SLAMF1: variants seen among roughly 807,000 people sequenced by gnomAD.
SLAMF1 encodes the protein signaling lymphocytic activation molecule family member 1, also known as signaling lymphocytic activation molecule.
SLAMF1 carries 18 observed loss-of-function variants against 35.1 expected under a neutral mutation model. The ratio of observed to expected loss-of-function variants is 0.51; its 90% CI spans 0.35 to 0.76. The LOEUF (loss-of-function observed/expected upper bound fraction) is 0.76, where lower values mean the gene tolerates loss of function less well. Among genes scored for constraint, SLAMF1 ranks in the 30% least tolerant of loss-of-function variants. SLAMF1 has a pLI of 0.01. For missense variants in SLAMF1, 392 were observed against 413.0 expected (o/e 0.95, Z 0.44); for synonymous variants, 168 against 157.2 (o/e 1.07, Z -0.51).
At chr1:160,621,380 G>A (rs1179960384) in intron 4 of SLAMF1, among the ~76,000 whole-genome samples, 3 of 151,992 alleles carry the variant, frequency 2.0e-5, no homozygotes, top group Non-Finnish European at 2.9e-5. Context: ...CCAACATGGG[G>A]AAACCCTGTC....
intron 4 of SLAMF1, among the ~76,000 whole-genome samples, chr1:160,622,282 T>C (rs1421016452): frequency 2.6e-5 from 4 of 152,194 alleles, no homozygotes; most frequent in African/African-American, 9.7e-5. Context: ...GGCCTTAAAA[T>C]TAGGACATCT....
chr1:160,618,540 G>GGT (rs1659436813), intron 5 of SLAMF1, among the ~76,000 whole-genome samples: 1 of 152,106 alleles, frequency 6.6e-6, no homozygotes, highest in Non-Finnish European at 1.5e-5. Flanking sequence ...CACTCTCCTA[G>GGT]GTGTATAGTG....
At chr1:160,639,460 C>A (rs1171009203) in intron 1 of SLAMF1, among the ~76,000 whole-genome samples, 1 of 152,150 alleles carries the variant, frequency 6.6e-6, no homozygotes, top group Non-Finnish European at 1.5e-5. Flanking sequence ...CTCCTGACCT[C>A]AAGTGATCTG....
At chr1:160,612,465 G>A in intron 6 of SLAMF1, 23 bp downstream of exon 6, 1 of 1,493,196 alleles carries the variant, frequency 6.7e-7, no homozygotes. Context: ...TCTCTACGGA[G>A]AGTAGGCAGA....
intron 4 of SLAMF1, chr1:160,623,691 C>T (rs1659733036): frequency 5.0e-6 from 2 of 400,246 alleles, no homozygotes; most frequent in African/African-American, 2.1e-5. Flanking sequence ...ATAATTGTGC[C>T]TTATTGGTTT....
In SLAMF1 at chr1:160,634,596, G is replaced by T. The variant is rs1660330216; in HGVS notation, c.700+17C>A. 2 of 1,574,448 alleles carry T rather than the reference G, an allele frequency of 1.3e-6. No individual in the cohort carries two copies. Among genetic ancestry groups the T allele is most frequent in the Non-Finnish European group, 1.7e-6 (2 of 1,156,270 alleles). ...TGCTCATTAAGGTGGCACACAGGCT[G>T]CCACCAGTGTACTCACCTGAGGGGT... On this transcript the variant is annotated intron_variant, in intron 3 of 6. Coordinates refer to ENST00000302035, the MANE Select transcript of SLAMF1 (RefSeq NM_003037.5).
At chr1:160,626,557 T>C (rs1659891587) in intron 3 of SLAMF1, among the ~76,000 whole-genome samples, 2 of 152,212 alleles carry the variant, frequency 1.3e-5, no homozygotes, top group African/African-American at 2.4e-5. Context: ...TTAAGGGAAC[T>C]ATAGTATAGT....
chr1:160,619,946 C>T (rs1361262183), intron 4 of SLAMF1, 97 bp from the exon 5 acceptor site: 1 of 800,240 alleles, frequency 1.2e-6, no homozygotes, highest in Non-Finnish European at 2.2e-6. Context: ...TACCCACTTT[C>T]CCCAAGGGCA....
intron 5 of SLAMF1, among the ~76,000 whole-genome samples, chr1:160,617,612 A>G (rs977885887): frequency 6.6e-6 from 1 of 152,238 alleles, no homozygotes; most frequent in African/African-American, 2.4e-5. Flanking sequence ...TATAAAGTTC[A>G]AAAATAAAAA....
At chr1:160,613,604 T>C (rs890392274) in intron 5 of SLAMF1, among the ~76,000 whole-genome samples, 16 of 152,210 alleles carry the variant, frequency 1.1e-4, no homozygotes, top group African/African-American at 3.9e-4. Flanking sequence ...TCCCTGGGTA[T>C]AGAGCCAGAC....
intron 5 of SLAMF1, among the ~76,000 whole-genome samples, chr1:160,618,148 A>T (rs1659409682): frequency 6.6e-6 from 1 of 152,176 alleles, no homozygotes. Flanking sequence ...TGTAGACTCA[A>T]TACAATTCTA....
At chr1:160,640,324 T>TTATATATA (rs1660670300) in intron 1 of SLAMF1, among the ~76,000 whole-genome samples, 1 of 39,554 alleles carries the variant, frequency 2.5e-5, no homozygotes, top group Non-Finnish European at 5.1e-5. Flanking sequence ...ATTAGGTTTG[T>TTATATATA]CATATATATA....
At chr1:160,630,503 T>C (rs918871101) in intron 3 of SLAMF1, among the ~76,000 whole-genome samples, 2 of 152,176 alleles carry the variant, frequency 1.3e-5, no homozygotes, top group Non-Finnish European at 2.9e-5. Flanking sequence ...TGTCTTAAAA[T>C]CACTGTCCTG....
intron 2 of SLAMF1, among the ~76,000 whole-genome samples, chr1:160,635,720 C>T (rs1660417834): frequency 6.7e-6 from 1 of 150,192 alleles, no homozygotes; most frequent in South Asian, 2.1e-4. Context: ...TACAGGTGCC[C>T]ACCACCATGC....
chr1:160,635,924 A>C (rs1660430760), intron 2 of SLAMF1, among the ~76,000 whole-genome samples: 1 of 151,956 alleles, frequency 6.6e-6, no homozygotes, highest in South Asian at 2.1e-4. Context: ...ATTATTCCCC[A>C]TTTTATAGAT....
In SLAMF1 at chr1:160,632,689, T is replaced by A. The variant is rs138908796; in HGVS notation, c.700+1924A>T. On this transcript the variant is annotated intron_variant, in intron 3 of 6. Transcript: ENST00000302035. ...TCAGTGCCCTGTTTTTGTACTCTAA[T>A]AGGGCAGCTATACCCAGAGAGGGCT... Among the ~76,000 whole-genome samples the A allele has an allele frequency of 2.5e-3, 384 of 152,288 alleles. 10 individuals carry two copies. In the East Asian group the frequency reaches 0.04, roughly 16 times the overall value.
At chr1:160,633,838 C>T (rs1195864796) in intron 3 of SLAMF1, among the ~76,000 whole-genome samples, 1 of 152,248 alleles carries the variant, frequency 6.6e-6, no homozygotes, top group African/African-American at 2.4e-5. Context: ...CCACTATCTA[C>T]ATGCCAAAGA....
intron 4 of SLAMF1, among the ~76,000 whole-genome samples, chr1:160,621,878 G>GTGTGT (rs1659633874): frequency 3.3e-5 from 5 of 150,460 alleles, no homozygotes; most frequent in Admixed American, 3.3e-4. Flanking sequence ...GTGTGTGTGT[G>GTGTGT]TGTGTGTGTA....
Position 160,610,062 on chromosome 1 carries a change from T to C in SLAMF1, c.*686A>G. Reference sequence around the variant, plus strand: ...GCACAGAACTGTACTTTTAAGGCTCTTACATGGTTTCCAGTCCACTGTTCA... The same window carrying C: ...GCACAGAACTGTACTTTTAAGGCTCCTACATGGTTTCCAGTCCACTGTTCA... On this transcript the variant is annotated 3_prime_UTR_variant, in exon 7 of 7. Coordinates refer to ENST00000302035, the MANE Select transcript of SLAMF1 (RefSeq NM_003037.5). The C allele has an allele frequency of 3.2e-6, 1 of 310,426 alleles. No individual in the cohort carries two copies. Among genetic ancestry groups the C allele is most frequent in the South Asian group, 2.8e-5 (1 of 35,800 alleles). 19.2% of individuals were successfully genotyped at this position (310,426 alleles called of 1,614,324 possible).
Sources: allele counts gnomAD v4.1 joint callset (sites outside exome capture counted in the v4.1 genomes callset), GRCh38; gene constraint gnomAD v4.1.1; transcripts MANE v1.5; gene names NCBI Gene and HGNC (gene_info 2026-07-23, HGNC 2026-07-21).